Variants in C2orf74 observed in about 807,000 individuals in gnomAD.
C2orf74 encodes uncharacterized protein C2orf74.
A neutral mutation model predicts 17.9 loss-of-function variants in C2orf74; 14 were observed. The ratio of observed to expected loss-of-function variants is 0.78; its 90% CI spans 0.52 to 1.22. C2orf74 has a LOEUF of 1.22. C2orf74 is among the 50% of genes most tolerant of loss of function. The pLI, the probability that C2orf74 is intolerant of heterozygous loss-of-function variation, is 0.00. For synonymous variants in C2orf74, 79 were observed against 72.6 expected, an observed-to-expected ratio of 1.09 and a Z score of -0.44; for missense variants, 217 against 218.4, an observed-to-expected ratio of 0.99 and a Z score of 0.04.
intron 1 of C2orf74, among the ~76,000 whole-genome samples, chr2:61,154,124 G>T (rs1265243068): frequency 6.7e-6 from 1 of 148,318 alleles, no homozygotes; most frequent in Non-Finnish European, 1.5e-5. Context: ...CTGTAATCCA[G>T]TCGGGAGGCT....
chr2:61,164,406 T>C lies in C2orf74; in HGVS notation c.443T>C (p.Val148Ala), dbSNP rs1685665778. The C allele has an allele frequency of 6.4e-7, 1 of 1,550,580 alleles. No homozygotes were observed. Among genetic ancestry groups the C allele is most frequent in the African/African-American group, 1.4e-5 (1 of 72,892 alleles). ...TCTGTCACTAGAACTCCTTCAGTTG[T>C]TGAAAGCCAAAAAAGACCTTTAAAA... Reference protein sequence around the residue: ...HTSVTRTPSVVESQKRPLKGV... With the variant: ...HTSVTRTPSVAESQKRPLKGV... The change falls in exon 5 of 5, where the codon GTT becomes GCT. Residue 148 changes from valine to alanine, a missense_variant. By Grantham distance (64) the Val-to-Ala change is moderately conservative. Coordinates refer to ENST00000432605, the MANE Select transcript of C2orf74 (RefSeq NM_001143959.4).
At chr2:61,146,882 G>T (rs1480929067) in intron 1 of C2orf74, among the ~76,000 whole-genome samples, 1 of 151,562 alleles carries the variant, frequency 6.6e-6, no homozygotes, top group Non-Finnish European at 1.5e-5. Context: ...TGGGTGTGTG[G>T]CTCACACCTC....
intron 1 of C2orf74, among the ~76,000 whole-genome samples, chr2:61,153,152 A>G (rs78084548): frequency 1.3e-5 from 2 of 150,742 alleles, no homozygotes; most frequent in Non-Finnish European, 3.0e-5. Context: ...CCGTCTCCAA[A>G]AAAAAAAAAA....
chr2:61,163,402 G>A (rs1262774389), intron 4 of C2orf74, among the ~76,000 whole-genome samples, 170 bp downstream of exon 4: 1 of 152,114 alleles, frequency 6.6e-6, no homozygotes, highest in South Asian at 2.1e-4. Flanking sequence ...AGGGCACATC[G>A]AGACCAGCCT....
chr2:61,154,802 C>G (rs1434964110), intron 1 of C2orf74, among the ~76,000 whole-genome samples: 1 of 152,084 alleles, frequency 6.6e-6, no homozygotes, highest in Non-Finnish European at 1.5e-5. Flanking sequence ...TGCCTATGAT[C>G]CCAGTACTTT....
At chr2:61,151,213 G>A (rs1331390450) in intron 1 of C2orf74, among the ~76,000 whole-genome samples, 1 of 150,866 alleles carries the variant, frequency 6.6e-6, no homozygotes, top group East Asian at 1.9e-4. Context: ...CTACTTGGGA[G>A]GCTGAGGCAG....
chr2:61,164,572 A>G lies in C2orf74; in HGVS notation c.*45A>G, dbSNP rs1685674794. ...GTGAAAGAAAATGTAACGTTTGACT[A>G]ACGTTGAAAGACTGAGGGTACAAAA... On this transcript the variant is annotated 3_prime_UTR_variant, in exon 5 of 5. Transcript: ENST00000432605. 1 of 1,409,486 alleles carries G rather than the reference A, an allele frequency of 7.1e-7. No individual in the cohort carries two copies. 87.3% of individuals were successfully genotyped at this position (1,409,486 alleles called of 1,614,324 possible).
At chr2:61,155,528 T>C (rs975272056) in intron 1 of C2orf74, among the ~76,000 whole-genome samples, 2 of 150,998 alleles carry the variant, frequency 1.3e-5, no homozygotes, top group Non-Finnish European at 2.9e-5. Context: ...TTTGTTTGTT[T>C]GTTTGTTTTT....
At chr2:61,149,077 G>A (rs956354005) in intron 1 of C2orf74, among the ~76,000 whole-genome samples, 1 of 152,188 alleles carries the variant, frequency 6.6e-6, no homozygotes, top group Non-Finnish European at 1.5e-5. Context: ...GTACAAACAT[G>A]AGCGCAGATG....
chr2:61,155,417 T>C (rs1685362322), intron 1 of C2orf74, among the ~76,000 whole-genome samples: 1 of 152,174 alleles, frequency 6.6e-6, no homozygotes, highest in South Asian at 2.1e-4. Flanking sequence ...AAAGCCAGAA[T>C]AGTTGTTGGG....
At chr2:61,151,032 A>AAC (rs1685211166) in intron 1 of C2orf74, among the ~76,000 whole-genome samples, 1 of 151,990 alleles carries the variant, frequency 6.6e-6, no homozygotes, top group Non-Finnish European at 1.5e-5. Flanking sequence ...AAGATGTCAA[A>AAC]ACAGACTGGG....
chr2:61,159,037 G>A (rs766854106), upstream of C2orf74, among the ~76,000 whole-genome samples: 8 of 152,004 alleles, frequency 5.3e-5, no homozygotes, highest in Non-Finnish European at 1.2e-4. Context: ...TCACTCTGTC[G>A]CCAGGCTGGA....
intron 1 of C2orf74, among the ~76,000 whole-genome samples, chr2:61,152,816 C>T (rs537871415): frequency 6.5e-4 from 90 of 138,740 alleles, no homozygotes; most frequent in Non-Finnish European, 1.0e-3. Context: ...CCATTGCACT[C>T]CAGCCTGGGC....
In C2orf74 at chr2:61,163,207, A is replaced by C; in HGVS notation, c.365A>C (p.Asn122Thr). The C allele has an allele frequency of 6.4e-7, 1 of 1,552,102 alleles. No individual in the cohort carries two copies. The highest frequency in any genetic ancestry group is 2.4e-5 in the East Asian group (1 of 41,064). The change falls in exon 4 of 5, where the codon AAT becomes ACT. Residue 122 changes from asparagine (N) to threonine (T), a missense_variant. Transcript: ENST00000432605. ...NQINEKQEPE[N>T]AGETGQEEDD... The stretch of plus-strand genomic sequence containing the variant: ...ATAAATGAGAAGCAAGAGCCTGAGA[A>C]TGCTGGAGAAACTGGTCAAGAAGAG...
chr2:61,162,974 G>A lies in C2orf74; in HGVS notation c.209+19G>A. The A allele has an allele frequency of 1.3e-6, 2 of 1,552,036 alleles. No individual in the cohort carries two copies. Among genetic ancestry groups the A allele is most frequent in the Non-Finnish European group, 1.7e-6 (2 of 1,146,684 alleles). ...ATGAAAGGCGAGTGTGGTGCAGGAT[G>A]TGGCAGAGGCCATTTTGTGTTTGAT... On this transcript the variant is annotated intron_variant, in intron 3 of 4. Transcript: ENST00000432605.
chr2:61,163,262 G>A, intron 4 of C2orf74, 30 bp downstream of exon 4: 1 of 1,537,852 alleles, frequency 6.5e-7, no homozygotes, highest in Non-Finnish European at 8.8e-7. Flanking sequence ...TCAAAGAGCA[G>A]TTTAGAATTT....
intron 1 of C2orf74, among the ~76,000 whole-genome samples, chr2:61,149,659 A>G (rs1165514501): frequency 6.7e-6 from 1 of 148,288 alleles, no homozygotes; most frequent in Non-Finnish European, 1.5e-5. Flanking sequence ...GCTCACTGCA[A>G]CTTACGCCTC....
At chr2:61,161,538 G>C (rs1200750802), upstream of C2orf74, among the ~76,000 whole-genome samples, 1 of 152,154 alleles carries the variant, frequency 6.6e-6, no homozygotes, top group Non-Finnish European at 1.5e-5. Flanking sequence ...TACGTTGGTT[G>C]GTTTTTGTGT....
At chr2:61,158,779 C>T (rs528474813), upstream of C2orf74, among the ~76,000 whole-genome samples, 12 of 152,178 alleles carry the variant, frequency 7.9e-5, no homozygotes, top group East Asian at 2.3e-3. Flanking sequence ...GGTTTCAGTT[C>T]CTTGCCTGAA....
Sources: allele counts gnomAD v4.1 joint callset (sites outside exome capture counted in the v4.1 genomes callset), GRCh38; gene constraint gnomAD v4.1.1; transcripts MANE v1.5; gene names NCBI Gene and HGNC (gene_info 2026-07-23, HGNC 2026-07-21).